The following RSRC1 variants were observed in gnomAD, a reference collection of about 807,000 sequenced individuals.
RSRC1 encodes the protein serine/Arginine-related protein 53.
Under a neutral mutation model 49.1 loss-of-function variants are expected in RSRC1, and 39 were observed. The ratio of observed to expected loss-of-function variants is 0.79; its 90% CI spans 0.61 to 1.04. RSRC1 has a LOEUF of 1.04. RSRC1 is among the 50% of genes least tolerant of loss of function. RSRC1 has a pLI of 0.00. For synonymous variants in RSRC1, 143 were observed against 130.8 expected, an observed-to-expected ratio of 1.09 and a Z score of -0.63; for missense variants, 388 against 402.4, an observed-to-expected ratio of 0.96 and a Z score of 0.31.
chr3:158,123,286 C>A (rs1462983455), intron 2 of RSRC1, among the ~76,000 whole-genome samples: 1 of 152,122 alleles, frequency 6.6e-6, no homozygotes, highest in Non-Finnish European at 1.5e-5. Context: ...GGATTACAGG[C>A]GTGAGCCACC....
intron 5 of RSRC1, among the ~76,000 whole-genome samples, chr3:158,319,790 C>G (rs1417729879): frequency 2.0e-5 from 3 of 152,118 alleles, no homozygotes; most frequent in Non-Finnish European, 4.4e-5. Flanking sequence ...CTTTAAATTT[C>G]TCTTCCCGTA....
intron 3 of RSRC1, among the ~76,000 whole-genome samples, chr3:158,193,241 C>T (rs191851800): frequency 3.3e-5 from 5 of 152,122 alleles, no homozygotes; most frequent in South Asian, 2.1e-4. Context: ...AATCTGAATA[C>T]GTATGTAACT....
chr3:158,123,776 C>G (rs1715438082), intron 2 of RSRC1, 90 bp from the exon 3 acceptor site: 1 of 1,228,846 alleles, frequency 8.1e-7, no homozygotes, highest in Non-Finnish European at 1.1e-6. Context: ...CAGTAAAAAT[C>G]AGATGATTCT....
intron 1 of RSRC1, among the ~76,000 whole-genome samples, chr3:158,116,213 A>G (rs905208812): frequency 6.6e-6 from 1 of 152,204 alleles, no homozygotes; most frequent in Non-Finnish European, 1.5e-5. Flanking sequence ...TTTTATCATC[A>G]GCAATGAATA....
intron 4 of RSRC1, among the ~76,000 whole-genome samples, chr3:158,206,101 ATTT>A (rs1324104984): frequency 2.0e-5 from 3 of 152,188 alleles, no homozygotes; most frequent in African/African-American, 7.2e-5. Flanking sequence ...AAGAGTTGTT[ATTT>A]GTCATTTCTG....
chr3:158,519,623 C>T (rs1447280981), intron 7 of RSRC1, among the ~76,000 whole-genome samples: 1 of 151,988 alleles, frequency 6.6e-6, no homozygotes, highest in Non-Finnish European at 1.5e-5. Flanking sequence ...TTAGCAGGAG[C>T]CAGATTATAC....
intron 7 of RSRC1, among the ~76,000 whole-genome samples, chr3:158,491,073 C>A (rs1739065949): frequency 1.3e-5 from 2 of 152,130 alleles, no homozygotes; most frequent in South Asian, 4.1e-4. Context: ...CAATAATTGT[C>A]TTTTGCTGCC....
chr3:158,242,782 T>G (rs1723667238), intron 4 of RSRC1, among the ~76,000 whole-genome samples: 1 of 152,232 alleles, frequency 6.6e-6, no homozygotes. Flanking sequence ...ATTGTGGTTT[T>G]GGTTTGCATT....
chr3:158,516,723 G>C (rs930624389), intron 7 of RSRC1, among the ~76,000 whole-genome samples: 1 of 152,236 alleles, frequency 6.6e-6, no homozygotes, highest in Admixed American at 6.5e-5. Context: ...TTTGATCTCA[G>C]ACTGCTGTGC....
At chr3:158,164,759 T>C (rs1210921640) in intron 3 of RSRC1, among the ~76,000 whole-genome samples, 1 of 152,172 alleles carries the variant, frequency 6.6e-6, no homozygotes, top group African/African-American at 2.4e-5. Flanking sequence ...TGCATTTGTT[T>C]TAATAGCATA....
At chr3:158,517,176 TATC>T (rs1740609479) in intron 7 of RSRC1, among the ~76,000 whole-genome samples, 1 of 119,014 alleles carries the variant, frequency 8.4e-6, no homozygotes, top group Non-Finnish European at 1.7e-5. Flanking sequence ...TTAATATTAT[TATC>T]ATTTTACAAT....
At chr3:158,190,949 C>T (rs546584711) in intron 3 of RSRC1, among the ~76,000 whole-genome samples, 1 of 152,004 alleles carries the variant, frequency 6.6e-6, no homozygotes, top group South Asian at 2.1e-4. Context: ...TAGGGTCTTG[C>T]TCTGTCATGC....
At chr3:158,366,628 G>A (rs1731785390) in intron 6 of RSRC1, among the ~76,000 whole-genome samples, 1 of 151,736 alleles carries the variant, frequency 6.6e-6, no homozygotes, top group Non-Finnish European at 1.5e-5. Flanking sequence ...TTGGCTATAT[G>A]GGCTCTTTTT....
intron 6 of RSRC1, among the ~76,000 whole-genome samples, chr3:158,362,867 A>G (rs1052694832): frequency 2.0e-5 from 3 of 152,372 alleles, no homozygotes; most frequent in African/African-American, 7.2e-5. Flanking sequence ...TTTTATCAGT[A>G]TGAGAAGACA....
chr3:158,348,872 C>T (rs1730708842), intron 5 of RSRC1, among the ~76,000 whole-genome samples: 1 of 152,114 alleles, frequency 6.6e-6, no homozygotes, highest in African/African-American at 2.4e-5. Flanking sequence ...TGTTAGTTCA[C>T]TTAAGATAAT....
intron 5 of RSRC1, among the ~76,000 whole-genome samples, chr3:158,306,014 A>G (rs898987783): frequency 3.3e-5 from 5 of 152,094 alleles, no homozygotes; most frequent in African/African-American, 1.2e-4. Context: ...TAAAAACAAT[A>G]TCTTAATTCC....
At chr3:158,356,292 G>C (rs1731153670) in intron 6 of RSRC1, among the ~76,000 whole-genome samples, 1 of 152,014 alleles carries the variant, frequency 6.6e-6, no homozygotes, top group Non-Finnish European at 1.5e-5. Context: ...TATATTTTTA[G>C]GATTCATTGA....
chr3:158,470,025 T>G (rs573489108), intron 7 of RSRC1, among the ~76,000 whole-genome samples: 92 of 152,200 alleles, frequency 6.0e-4, no homozygotes, highest in Non-Finnish European at 1.2e-3. Context: ...TCATACCTCA[T>G]AATCTCTTTG....
chr3:158,198,739 C>G (rs149187198), intron 3 of RSRC1, among the ~76,000 whole-genome samples: 1 of 152,092 alleles, frequency 6.6e-6, no homozygotes, highest in African/African-American at 2.4e-5. Context: ...CAGAAATCAC[C>G]CATCTTCTGC....
Sources: allele counts gnomAD v4.1 joint callset (sites outside exome capture counted in the v4.1 genomes callset), GRCh38; gene constraint gnomAD v4.1.1; transcripts MANE v1.5; gene names NCBI Gene and HGNC (gene_info 2026-07-23, HGNC 2026-07-21).